Variants in NLGN4X observed in about 807,000 individuals in gnomAD.
NLGN4X encodes neuroligin-4, X-linked.
NLGN4X carries 3 observed loss-of-function variants against 40.3 expected under a neutral mutation model. The observed-to-expected ratio is 0.07, with a 90% CI of 0.03 to 0.19. The LOEUF (loss-of-function observed/expected upper bound fraction) is 0.19, where lower values mean the gene tolerates loss of function less well. Among genes scored for constraint, NLGN4X ranks in the 10% least tolerant of loss-of-function variants. The pLI is 1.00. For missense variants in NLGN4X, 382 were observed against 708.3 expected (o/e 0.54, Z 5.23); for synonymous variants, 270 against 306.8 (o/e 0.88, Z 1.25).
At chrX:5,988,656 T>C (rs981209207) in intron 3 of NLGN4X, among the ~76,000 whole-genome samples, 8 of 112,428 alleles carry the variant, frequency 7.1e-5, no homozygotes, top group African/African-American at 2.3e-4. Flanking sequence ...TAAAAATACA[T>C]AGAAGACAAC....
rs758339750 is a variant in NLGN4X at position 6,062,774 on chromosome X, T to C, written c.473-33342A>G. On this transcript the variant is annotated intron_variant, in intron 2 of 5. Coordinates refer to ENST00000381095, the MANE Select transcript of NLGN4X (RefSeq NM_181332.3). Reference sequence around the variant, plus strand: ...GCTCTCTCTTGCCTGCTGCCATCCATGTAAGACATGACTTTGCTCCTCCTT... The same window carrying C: ...GCTCTCTCTTGCCTGCTGCCATCCACGTAAGACATGACTTTGCTCCTCCTT... Among the ~76,000 whole-genome samples, 7 of 111,209 alleles carry C rather than the reference T, an allele frequency of 6.3e-5. No individual in the cohort carries two copies. The Admixed American group carries it at 6.7e-4, about 11-fold the overall frequency.
intron 2 of NLGN4X, among the ~76,000 whole-genome samples, chrX:6,057,843 C>T (rs2037671296): frequency 9.0e-6 from 1 of 111,418 alleles, no homozygotes; most frequent in African/African-American, 3.3e-5. Flanking sequence ...TGAAAGTCAA[C>T]AACAATGAAA....
At chrX:6,075,232 C>T (rs2147378817) in intron 2 of NLGN4X, among the ~76,000 whole-genome samples, 1 of 111,510 alleles carries the variant, frequency 9.0e-6, no homozygotes, top group Non-Finnish European at 1.9e-5. Context: ...GGACAAGGTG[C>T]AAAGAGCACT....
intron 2 of NLGN4X, among the ~76,000 whole-genome samples, chrX:6,085,356 G>A (rs894827579): frequency 1.8e-5 from 2 of 111,594 alleles, no homozygotes; most frequent in African/African-American, 6.5e-5. Context: ...GTGATAAATC[G>A]TAGCTCCACA....
At chrX:5,953,992 C>T (rs1162680958) in intron 3 of NLGN4X, among the ~76,000 whole-genome samples, 1 of 111,421 alleles carries the variant, frequency 9.0e-6, no homozygotes, top group African/African-American at 3.3e-5. Context: ...GGCTAAAGGC[C>T]ATATGTGCTC....
At chrX:6,108,927 C>T (rs193194619) in intron 2 of NLGN4X, among the ~76,000 whole-genome samples, 95 of 111,012 alleles carry the variant, frequency 8.6e-4, no homozygotes, top group Non-Finnish European at 2.3e-4. Context: ...TGAGACTAAC[C>T]TCATTTTAAT....
At chrX:6,077,931 C>T (rs1490398681) in intron 2 of NLGN4X, among the ~76,000 whole-genome samples, 1 of 111,888 alleles carries the variant, frequency 8.9e-6, no homozygotes, top group Non-Finnish European at 1.9e-5. Context: ...TTTTCAGCAA[C>T]AAACCCCTTC....
At chrX:5,978,837 G>A (rs2035287562) in intron 3 of NLGN4X, among the ~76,000 whole-genome samples, 1 of 111,616 alleles carries the variant, frequency 9.0e-6, no homozygotes. Context: ...AGGGCGTGGT[G>A]GCATGCACCT....
chrX:5,919,069 CAA>C (rs747868603), intron 3 of NLGN4X, among the ~76,000 whole-genome samples: 1 of 111,955 alleles, frequency 8.9e-6, no homozygotes. Context: ...ATTAATTAAA[CAA>C]AAAAATGATT....
At chrX:5,916,364 A>C (rs954094932) in intron 3 of NLGN4X, among the ~76,000 whole-genome samples, 2 of 112,196 alleles carry the variant, frequency 1.8e-5, no homozygotes, top group Non-Finnish European at 3.8e-5. Flanking sequence ...GAGTATTTAC[A>C]CTCATGGACA....
At chrX:6,087,860 A>T (rs927995976) in intron 2 of NLGN4X, among the ~76,000 whole-genome samples, 2 of 112,580 alleles carry the variant, frequency 1.8e-5, no homozygotes, top group African/African-American at 6.5e-5. Flanking sequence ...ATGAGACTGG[A>T]CATTGTTATT....
At chrX:6,017,049 T>A (rs2036412670) in intron 3 of NLGN4X, among the ~76,000 whole-genome samples, 1 of 111,520 alleles carries the variant, frequency 9.0e-6, no homozygotes, top group Non-Finnish European at 1.9e-5. Context: ...GTCACAATGT[T>A]GTGCATATAC....
At chrX:5,968,457 C>CTCTCTCTCTGTGTG (rs1192942244) in intron 3 of NLGN4X, among the ~76,000 whole-genome samples, 32 of 47,014 alleles carry the variant, frequency 6.8e-4, no homozygotes, top group African/African-American at 3.4e-3. Context: ...CTCTCTCTCT[C>CTCTCTCTCTGTGTG]TGTGTGTGTG....
intron 3 of NLGN4X, among the ~76,000 whole-genome samples, chrX:5,921,581 C>A (rs2033068541): frequency 9.0e-6 from 1 of 110,828 alleles, no homozygotes; most frequent in Non-Finnish European, 1.9e-5. Context: ...CTCTCCCAGC[C>A]CCTATGGTAC....
intron 3 of NLGN4X, among the ~76,000 whole-genome samples, chrX:5,954,507 A>T (rs1462035348): frequency 1.9e-5 from 2 of 102,706 alleles, no homozygotes; most frequent in Admixed American, 2.2e-4. Flanking sequence ...AAGTGCTGGG[A>T]TTACAGGGAT....
At chrX:6,140,070 G>A (rs1020736916) in intron 2 of NLGN4X, among the ~76,000 whole-genome samples, 1 of 111,468 alleles carries the variant, frequency 9.0e-6, no homozygotes, top group Non-Finnish European at 1.9e-5. Context: ...AAAAGACAGA[G>A]AAGAGAGTAG....
At chrX:6,097,490 C>A (rs1205359943) in intron 2 of NLGN4X, among the ~76,000 whole-genome samples, 4 of 111,238 alleles carry the variant, frequency 3.6e-5, no homozygotes, top group Non-Finnish European at 1.9e-5. Flanking sequence ...CTGAATACCC[C>A]CTTACCCTAA....
chrX:5,898,073 CCTTCCTTCCTCTCTTCTTTCTCCCTT>C (rs2031612172), intron 5 of NLGN4X, among the ~76,000 whole-genome samples: 1 of 96,665 alleles, frequency 1.0e-5, no homozygotes, highest in East Asian at 3.5e-4. Flanking sequence ...TCGCTACTTT[CCTTCCTTCCTCTCTTCTTTCTCCCTT>C]CTCCCTTCCT....
chrX:6,038,477 T>G (rs766898907), intron 2 of NLGN4X, among the ~76,000 whole-genome samples: 1 of 112,934 alleles, frequency 8.9e-6, no homozygotes, highest in Non-Finnish European at 1.9e-5. Flanking sequence ...CACAATGAAT[T>G]TGAAAGATGA....
Sources: gnomAD v4.1 joint callset for allele counts (sites outside exome capture counted in the v4.1 genomes callset) on GRCh38, gnomAD v4.1.1 for gene constraint, MANE v1.5 for transcripts, NCBI Gene and HGNC (gene_info 2026-07-23, HGNC 2026-07-21) for gene names.